The following RELN variants were observed in gnomAD, a reference collection of about 807,000 sequenced individuals.
RELN encodes the protein reelin.
RELN carries 108 observed loss-of-function variants against 427.6 expected under a neutral mutation model. That is an observed-to-expected ratio of 0.25 (90% CI 0.22 to 0.30). The LOEUF is 0.30. Ranked by LOEUF, RELN falls within the 10% of genes least tolerant of loss-of-function variation. The pLI is 1.00. For synonymous variants in RELN, 1,524 were observed against 1,513.4 expected, an observed-to-expected ratio of 1.01 and a Z score of -0.16; for missense variants, 3,715 against 4,302.8, an observed-to-expected ratio of 0.86 and a Z score of 3.82.
At chr7:103,947,017 G>T (rs1185790911) in intron 1 of RELN, among the ~76,000 whole-genome samples, 2 of 152,180 alleles carry the variant, frequency 1.3e-5, no homozygotes, top group Admixed American at 6.5e-5. Flanking sequence ...AACACTAGCT[G>T]TGGAAATAAT....
intron 63 of RELN, 121 bp downstream of exon 63, chr7:103,482,752 A>G: frequency 3.9e-6 from 6 of 1,557,872 alleles, no homozygotes; most frequent in Non-Finnish European, 5.2e-6. Context: ...GTGTAAGCCA[A>G]AGTGCTCCTG....
intron 2 of RELN, among the ~76,000 whole-genome samples, chr7:103,841,707 T>C (rs896055447): frequency 1.3e-5 from 2 of 152,174 alleles, no homozygotes; most frequent in African/African-American, 4.8e-5. Flanking sequence ...CCCCCATCTC[T>C]ACAAGAAAAT....
chr7:103,484,604 T>C (rs1828361813), intron 61 of RELN: 1 of 152,394 alleles, frequency 6.6e-6, no homozygotes, highest in Non-Finnish European at 1.5e-5. Context: ...TTGTCTTCTA[T>C]ATTATACATG....
chr7:103,785,628 C>T (rs1260747346), intron 3 of RELN, among the ~76,000 whole-genome samples: 1 of 152,058 alleles, frequency 6.6e-6, no homozygotes, highest in Non-Finnish European at 1.5e-5. Context: ...GTTCAAACAG[C>T]AGATCTGGAA....
intron 8 of RELN, among the ~76,000 whole-genome samples, chr7:103,707,143 A>G (rs1222568971): frequency 6.6e-6 from 1 of 152,102 alleles, no homozygotes; most frequent in Non-Finnish European, 1.5e-5. Context: ...CAAGACTTAC[A>G]TATTTATTAA....
chr7:103,878,784 T>A (rs1794542366), intron 2 of RELN, among the ~76,000 whole-genome samples: 4 of 152,210 alleles, frequency 2.6e-5, no homozygotes, highest in Admixed American at 1.3e-4. Context: ...AAAGTCCTTT[T>A]AAAAATATCT....
intron 4 of RELN, among the ~76,000 whole-genome samples, chr7:103,772,248 A>G (rs1791586876): frequency 1.3e-5 from 2 of 152,232 alleles, no homozygotes; most frequent in African/African-American, 2.4e-5. Flanking sequence ...CAAGGAGCAT[A>G]TATCTCATGG....
At chr7:103,764,483 G>T (rs1791379809) in intron 4 of RELN, among the ~76,000 whole-genome samples, 1 of 152,128 alleles carries the variant, frequency 6.6e-6, no homozygotes, top group Non-Finnish European at 1.5e-5. Context: ...CACCAAGGAA[G>T]TGGAGAGCTA....
In RELN at chr7:103,575,528, A is replaced by C; in HGVS notation, c.4303+20T>G. 6.2e-7 allele frequency: 1 copy of C among 1,612,314 alleles called. No individual in the cohort carries two copies. Among genetic ancestry groups the C allele is most frequent in the East Asian group, 2.2e-5 (1 of 44,878 alleles). On this transcript the variant is annotated intron_variant, in intron 29 of 64. Transcript: ENST00000428762. ...GACTATTTTACAATAAAACCCTCAG[A>C]CACATGTATTTAGCCTTACCAGTAT...
At chr7:103,916,774 C>T (rs1186994679) in intron 2 of RELN, among the ~76,000 whole-genome samples, 10 of 152,026 alleles carry the variant, frequency 6.6e-5, no homozygotes, top group Admixed American at 6.6e-4. Context: ...AGAGCAAATT[C>T]CAGCCACTTA....
intron 2 of RELN, among the ~76,000 whole-genome samples, chr7:103,910,446 T>C (rs1235314988): frequency 6.6e-6 from 1 of 151,982 alleles, no homozygotes; most frequent in African/African-American, 2.4e-5. Flanking sequence ...CTTCCAACAC[T>C]ATGTTGAATA....
chr7:103,504,749 G>A (rs1829149492), intron 51 of RELN, among the ~76,000 whole-genome samples: 1 of 152,174 alleles, frequency 6.6e-6, no homozygotes, highest in African/African-American at 2.4e-5. Flanking sequence ...CTTTGCAACT[G>A]GCAGACCAGG....
At chr7:103,592,105 C>T (rs1241726757) in intron 27 of RELN, among the ~76,000 whole-genome samples, 7 of 152,132 alleles carry the variant, frequency 4.6e-5, no homozygotes, top group African/African-American at 1.2e-4. Flanking sequence ...CTGTGTGTCT[C>T]GGGAGTTTGC....
chr7:103,677,943 C>T (rs141570536), intron 11 of RELN, among the ~76,000 whole-genome samples: 9 of 152,018 alleles, frequency 5.9e-5, no homozygotes, highest in South Asian at 2.1e-4. Flanking sequence ...CTACTTCCTT[C>T]CATCAGATCC....
chr7:103,752,703 C>T (rs1291085407), intron 5 of RELN, among the ~76,000 whole-genome samples: 2 of 152,210 alleles, frequency 1.3e-5, no homozygotes, highest in Non-Finnish European at 1.5e-5. Context: ...GCATGAGCCA[C>T]CATGCCCAGC....
At chr7:103,931,344 T>TA (rs1486123432) in intron 1 of RELN, among the ~76,000 whole-genome samples, 1 of 152,194 alleles carries the variant, frequency 6.6e-6, no homozygotes, top group Admixed American at 6.5e-5. Flanking sequence ...CCTCCCAACT[T>TA]ACCAATGCTT....
rs1461154231 is a variant in RELN at position 103,528,399 on chromosome 7, G to A, written c.7350-4868C>T. Among the ~76,000 whole-genome samples the A allele has an allele frequency of 3.3e-5, 5 of 151,970 alleles. 1 individual carries two copies. The highest frequency in any genetic ancestry group is 1.2e-4 in the African/African-American group (5 of 41,382). On this transcript the variant is annotated intron_variant, in intron 46 of 64. Coordinates refer to ENST00000428762, the MANE Select transcript of RELN (RefSeq NM_005045.4). ...AGGGCTGGGGTGAGGGGTGGGGAGT[G>A]ACTGCTAATAAGTATAGGATTTCTT...
intron 3 of RELN, among the ~76,000 whole-genome samples, chr7:103,807,435 C>T (rs545634931): frequency 6.6e-6 from 1 of 152,222 alleles, no homozygotes; most frequent in Non-Finnish European, 1.5e-5. Context: ...AAAGTCCATT[C>T]GTGAAGCTTT....
At chr7:103,495,979 AACTGACCG>A in intron 56 of RELN, 81 bp from the exon 57 acceptor site, 11 of 1,425,442 alleles carry the variant, frequency 7.7e-6, no homozygotes, top group Non-Finnish European at 1.1e-5. Flanking sequence ...TATTCTCTTG[AACTGACCG>A]ATTTATTGTT....
Sources: gnomAD v4.1 joint callset for allele counts (sites outside exome capture counted in the v4.1 genomes callset) on GRCh38, gnomAD v4.1.1 for gene constraint, MANE v1.5 for transcripts, NCBI Gene and HGNC (gene_info 2026-07-23, HGNC 2026-07-21) for gene names.